Variants in NRG1 observed in about 807,000 individuals in gnomAD.
NRG1 encodes the protein pro-neuregulin-1, membrane-bound isoform.
A neutral mutation model predicts 63.8 loss-of-function variants in NRG1; 18 were observed. The observed-to-expected ratio is 0.28, with a 90% CI of 0.19 to 0.42. The LOEUF (loss-of-function observed/expected upper bound fraction) is 0.42, where lower values mean the gene tolerates loss of function less well. Among genes scored for constraint, NRG1 ranks in the 10% least tolerant of loss-of-function variants. NRG1 has a pLI of 1.00. For synonymous variants in NRG1, 302 were observed against 301.3 expected (o/e 1.00, Z -0.02); for missense variants, 762 against 814.7 (o/e 0.94, Z 0.79).
rs371208252 is a variant in NRG1 at position 32,065,374 on chromosome 8, C to A, written c.37+425943C>A. Among the ~76,000 whole-genome samples, 21 of 152,212 alleles carry A rather than the reference C, an allele frequency of 1.4e-4. No individual in the cohort carries two copies. In the East Asian group the frequency reaches 4.1e-3, roughly 29 times the overall value. On this transcript the variant is annotated intron_variant, in intron 1 of 10. Transcript: ENST00000519301. The stretch of plus-strand genomic sequence containing the variant: ...CCCCCTCCCACCACCCCACAACAGG[C>A]CCCAGTGTGTGATGTTCCGCTTCCC...
At chr8:32,226,322 A>G (rs1329185224) in intron 1 of NRG1, among the ~76,000 whole-genome samples, 1 of 152,172 alleles carries the variant, frequency 6.6e-6, no homozygotes, top group African/African-American at 2.4e-5. Context: ...CAAATTTGGC[A>G]TAAAATTATG....
chr8:32,397,482 A>G (rs1444675826), intron 1 of NRG1, among the ~76,000 whole-genome samples: 1 of 150,892 alleles, frequency 6.6e-6, no homozygotes, highest in African/African-American at 2.4e-5. Flanking sequence ...ATACTCTTTT[A>G]TGTTTGTTAA....
At chr8:32,649,362 G>C (rs1224724663) in intron 5 of NRG1, among the ~76,000 whole-genome samples, 1 of 151,982 alleles carries the variant, frequency 6.6e-6, no homozygotes, top group Non-Finnish European at 1.5e-5. Context: ...ATAGAAGGGA[G>C]GAGTTTTCTG....
At chr8:32,031,969 A>G (rs1207651395) in intron 1 of NRG1, among the ~76,000 whole-genome samples, 1 of 152,164 alleles carries the variant, frequency 6.6e-6, no homozygotes, top group Non-Finnish European at 1.5e-5. Flanking sequence ...CTTGGGGGGT[A>G]GATACCCAGT....
intron 1 of NRG1, among the ~76,000 whole-genome samples, chr8:31,786,420 T>C (rs1820177390): frequency 6.6e-6 from 1 of 152,146 alleles, no homozygotes; most frequent in South Asian, 2.1e-4. Flanking sequence ...AAATAAACCA[T>C]CAGTTCTGCA....
intron 1 of NRG1, among the ~76,000 whole-genome samples, chr8:31,684,671 A>G (rs1018657280): frequency 1.3e-5 from 2 of 152,164 alleles, no homozygotes; most frequent in African/African-American, 4.8e-5. Context: ...AAATAACACT[A>G]GATCACTTTT....
intron 1 of NRG1, among the ~76,000 whole-genome samples, chr8:31,927,750 C>T (rs1563577504): frequency 2.0e-5 from 3 of 147,998 alleles, no homozygotes; most frequent in African/African-American, 7.4e-5. Context: ...GCCCGGCCTA[C>T]TTTTTTTTTT....
intron 1 of NRG1, among the ~76,000 whole-genome samples, chr8:31,711,036 A>G (rs1267359575): frequency 6.6e-6 from 1 of 152,128 alleles, no homozygotes; most frequent in Non-Finnish European, 1.5e-5. Context: ...TTGTACTTCT[A>G]TCAGTTTTTT....
intron 1 of NRG1, among the ~76,000 whole-genome samples, chr8:32,307,105 G>A (rs1260010381): frequency 2.6e-5 from 4 of 152,000 alleles, no homozygotes; most frequent in South Asian, 4.1e-4. Context: ...ATCTTAAACC[G>A]CCCATGTGTA....
intron 1 of NRG1, among the ~76,000 whole-genome samples, chr8:32,385,413 C>T (rs1656712961): frequency 6.6e-6 from 1 of 152,148 alleles, no homozygotes; most frequent in South Asian, 2.1e-4. Context: ...TTCATTCTCA[C>T]ACTGCCATAA....
chr8:32,270,957 T>A (rs1229504172), intron 1 of NRG1, among the ~76,000 whole-genome samples: 1 of 152,216 alleles, frequency 6.6e-6, no homozygotes, highest in Non-Finnish European at 1.5e-5. Context: ...TCTGCCTCTC[T>A]TCTGCTGCCC....
chr8:32,467,635 G>C (rs1045588823), intron 1 of NRG1, among the ~76,000 whole-genome samples: 1 of 152,154 alleles, frequency 6.6e-6, no homozygotes, highest in Non-Finnish European at 1.5e-5. Flanking sequence ...GTAGATACAA[G>C]GATAAACCAA....
chr8:32,255,196 A>G (rs1278751975), intron 1 of NRG1, among the ~76,000 whole-genome samples: 1 of 152,146 alleles, frequency 6.6e-6, no homozygotes, highest in African/African-American at 2.4e-5. Context: ...TTTACATTTA[A>G]GGTTAATATT....
At chr8:32,359,792 A>G (rs891269827) in intron 1 of NRG1, among the ~76,000 whole-genome samples, 1 of 152,186 alleles carries the variant, frequency 6.6e-6, no homozygotes, top group Admixed American at 6.6e-5. Context: ...ATTGTAAGGT[A>G]TTCCAGTGTT....
intron 1 of NRG1, among the ~76,000 whole-genome samples, chr8:32,376,568 G>T (rs572750459): frequency 6.6e-6 from 1 of 152,298 alleles, no homozygotes; most frequent in African/African-American, 2.4e-5. Flanking sequence ...GCCCACTAAA[G>T]ATGCTAAGCT....
At chr8:32,758,611 AAAG>A (rs1238096281) in intron 9 of NRG1, among the ~76,000 whole-genome samples, 2 of 148,960 alleles carry the variant, frequency 1.3e-5, no homozygotes, top group Non-Finnish European at 3.0e-5. Flanking sequence ...AAGGAGAAGA[AAAG>A]AAAAGAAAGA....
At chr8:32,097,668 T>G (rs1203503296) in intron 1 of NRG1, among the ~76,000 whole-genome samples, 2 of 152,150 alleles carry the variant, frequency 1.3e-5, no homozygotes, top group Admixed American at 6.6e-5. Context: ...GAAGTTAGAA[T>G]CTATTTTAGA....
chr8:32,339,131 T>C (rs545178652), intron 1 of NRG1, among the ~76,000 whole-genome samples: 23 of 152,286 alleles, frequency 1.5e-4, no homozygotes, highest in African/African-American at 5.1e-4. Context: ...CTTTTCCTCT[T>C]AACATTATTT....
intron 1 of NRG1, among the ~76,000 whole-genome samples, chr8:31,909,297 T>C (rs747611115): frequency 6.6e-6 from 1 of 152,150 alleles, no homozygotes; most frequent in Non-Finnish European, 1.5e-5. Context: ...ATTTGAACTT[T>C]ATAACATCCC....
Sources: gnomAD v4.1 joint callset for allele counts (sites outside exome capture counted in the v4.1 genomes callset) on GRCh38, gnomAD v4.1.1 for gene constraint, MANE v1.5 for transcripts, NCBI Gene and HGNC (gene_info 2026-07-23, HGNC 2026-07-21) for gene names.